TAOK3: variants seen among roughly 807,000 people sequenced by gnomAD.
TAOK3 encodes the protein serine/threonine-protein kinase TAO3.
Under a neutral mutation model 120.4 loss-of-function variants are expected in TAOK3, and 40 were observed. That is an observed-to-expected ratio of 0.33 (90% CI 0.26 to 0.43). The LOEUF is 0.43. Among genes scored for constraint, TAOK3 ranks in the 20% least tolerant of loss-of-function variants. The probability of loss-of-function intolerance (pLI) is 1.00; values close to 1 mark genes in which losing one functional copy is unlikely to be tolerated. For missense variants in TAOK3, 821 were observed against 1,112.1 expected, an observed-to-expected ratio of 0.74 and a Z score of 3.72; for synonymous variants, 355 against 387.5, an observed-to-expected ratio of 0.92 and a Z score of 0.99.
chr12:118,150,931 C>T lies in TAOK3; in HGVS notation c.*66G>A. On this transcript the variant is annotated 3_prime_UTR_variant, in exon 21 of 21. Coordinates refer to ENST00000392533, the MANE Select transcript of TAOK3 (RefSeq NM_016281.4). ...CGTTAAAATGGGGAATGTGGTTTTG[C>T]AGGGTCTGAATTTTTTTCTGTTTTC... 2 of 1,471,378 alleles carry T rather than the reference C, an allele frequency of 1.4e-6. No homozygotes were observed. Among genetic ancestry groups the T allele is most frequent in the South Asian group, 2.6e-5 (2 of 76,542 alleles). 91.1% of individuals were successfully genotyped at this position (1,471,378 alleles called of 1,614,324 possible).
intron 1 of TAOK3, among the ~76,000 whole-genome samples, chr12:118,326,919 T>C (rs2043958713): frequency 6.6e-6 from 1 of 152,214 alleles, no homozygotes. Context: ...CTATTGTGTA[T>C]TCTTCAGAAA....
At chr12:118,254,156 T>G (rs947032254) in intron 3 of TAOK3, among the ~76,000 whole-genome samples, 2 of 152,252 alleles carry the variant, frequency 1.3e-5, no homozygotes, top group Admixed American at 1.3e-4. Context: ...CATCAGGAGA[T>G]AGTCACATTC....
At position 118,172,617 on chromosome 12, in the gene TAOK3, T is replaced by G; in HGVS notation, c.1739A>C (p.Glu580Ala). 1 of 1,614,234 alleles carries G rather than the reference T, an allele frequency of 6.2e-7. No homozygotes were observed. The highest frequency in any genetic ancestry group is 8.5e-7 in the Non-Finnish European group (1 of 1,180,038). Residue 580 changes from glutamate (E) to alanine (A), a missense_variant, in exon 17 of 21, where the codon GAG (glutamate) becomes GCG (alanine). Glu to Ala is a moderately radical substitution (Grantham distance 107). Coordinates refer to ENST00000392533, the MANE Select transcript of TAOK3 (RefSeq NM_016281.4). ...DHSTPKKEKQ[E>A]RISKHKENLQ... is the part of the protein sequence containing the mutation. ...GTTCTCTTTATGTTTGGAGATCCGCTCTTGCTTCTCTTTCTTGGGTGTGCT... is the reference window on the plus strand; with the variant it reads ...GTTCTCTTTATGTTTGGAGATCCGCGCTTGCTTCTCTTTCTTGGGTGTGCT...
intron 15 of TAOK3, among the ~76,000 whole-genome samples, chr12:118,177,862 T>C (rs2036446968): frequency 6.6e-6 from 1 of 151,952 alleles, no homozygotes; most frequent in Non-Finnish European, 1.5e-5. Context: ...GAAAAATACA[T>C]TCTGAATTAT....
intron 17 of TAOK3, among the ~76,000 whole-genome samples, chr12:118,168,956 CTT>C (rs2035784907): frequency 8.7e-6 from 1 of 115,594 alleles, no homozygotes; most frequent in African/African-American, 3.1e-5. Context: ...AGCTTGCTTG[CTT>C]TCCTTCCTTC....
chr12:118,277,306 A>G (rs1045423836), intron 1 of TAOK3, among the ~76,000 whole-genome samples: 3 of 152,260 alleles, frequency 2.0e-5, no homozygotes, highest in African/African-American at 7.2e-5. Flanking sequence ...TAACAGTTAC[A>G]CATTAATTCC....
intron 4 of TAOK3, among the ~76,000 whole-genome samples, chr12:118,244,197 G>A (rs942012260): frequency 5.9e-5 from 9 of 152,072 alleles, no homozygotes; most frequent in Admixed American, 5.9e-4. Context: ...CGAGTGGCTG[G>A]ACTACAGGCA....
chr12:118,280,017 A>G (rs532414648), intron 1 of TAOK3, among the ~76,000 whole-genome samples: 97 of 149,656 alleles, frequency 6.5e-4, no homozygotes, highest in Admixed American at 4.0e-3. Flanking sequence ...CGCCCGCCTT[A>G]GCCTCCCAAA....
chr12:118,171,225 C>T (rs573168580), intron 17 of TAOK3, among the ~76,000 whole-genome samples: 1 of 152,334 alleles, frequency 6.6e-6, no homozygotes, highest in African/African-American at 2.4e-5. Flanking sequence ...AAATGTCACT[C>T]AGATCTAATT....
In TAOK3 at chr12:118,319,774, T is replaced by C. The variant is rs1257418937; in HGVS notation, c.-194+52874A>G. 2.6e-5 allele frequency among the ~76,000 whole-genome samples: 4 copies of C among 152,168 alleles called. No individual in the cohort carries two copies. The East Asian group carries it at 5.8e-4, about 22-fold the overall frequency. On this transcript the variant is annotated intron_variant, in intron 1 of 20. Coordinates refer to ENST00000392533, the MANE Select transcript of TAOK3 (RefSeq NM_016281.4). The stretch of plus-strand genomic sequence containing the variant: ...GGAATATAAAATGATGCAGCCTCTA[T>C]GGAAAACAGTTGAACAGCTCCTCAA...
chr12:118,272,531 TAAAGTAAATA>T (rs143679539), intron 1 of TAOK3, among the ~76,000 whole-genome samples: 1,785 of 152,224 alleles, frequency 0.012, 34 homozygotes, highest in African/African-American at 0.04. Flanking sequence ...TCAGTATTAA[TAAAGTAAATA>T]AGAATTAGAA....
At chr12:118,189,634 T>G (rs569618893) in intron 14 of TAOK3, among the ~76,000 whole-genome samples, 173 bp downstream of exon 14, 1 of 151,548 alleles carries the variant, frequency 6.6e-6, no homozygotes, top group African/African-American at 2.4e-5. Context: ...GAAATCAGGT[T>G]GCTATGCCAA....
At chr12:118,343,466 A>G (rs544869373) in intron 1 of TAOK3, among the ~76,000 whole-genome samples, 233 of 151,098 alleles carry the variant, frequency 1.5e-3, no homozygotes, top group Admixed American at 4.0e-3. Flanking sequence ...GTCTCAGTGC[A>G]CTCTATGTAA....
In TAOK3 at chr12:118,371,789, G is replaced by A. The variant is rs76842574; in HGVS notation, c.-194+859C>T. 0.28 allele frequency among the ~76,000 whole-genome samples: 41,775 copies of A among 151,758 alleles called. 6,761 individuals are homozygous for A. The highest frequency in any genetic ancestry group is 0.45 in the African/African-American group (18,737 of 41,392). On this transcript the variant is annotated intron_variant, in intron 1 of 20. Coordinates refer to ENST00000392533, the MANE Select transcript of TAOK3 (RefSeq NM_016281.4). This position sits in a 1 kb window ranked among gnomAD's most constrained non-coding sequence, Gnocchi z 5.5. ...CTGGGGGCCCGACCCGCACCCATGGGGCACCGCTCCTCCCTCGGGGTCCGC... is the reference window on the plus strand; with the variant it reads ...CTGGGGGCCCGACCCGCACCCATGGAGCACCGCTCCTCCCTCGGGGTCCGC...
At chr12:118,238,207 G>C (rs576002467) in intron 6 of TAOK3, 38 bp from the exon 7 acceptor site, 10 of 1,238,282 alleles carry the variant, frequency 8.1e-6, no homozygotes, top group Admixed American at 1.8e-5. Context: ...TAGATGATCA[G>C]TTTCATTCCT....
intron 1 of TAOK3, among the ~76,000 whole-genome samples, chr12:118,319,830 C>T (rs1484089983): frequency 6.6e-6 from 1 of 152,096 alleles, no homozygotes; most frequent in African/African-American, 2.4e-5. Context: ...CATGACTCAG[C>T]AACTCTACTC....
intron 1 of TAOK3, among the ~76,000 whole-genome samples, chr12:118,352,648 G>A (rs1346294711): frequency 1.3e-5 from 2 of 152,092 alleles, no homozygotes; most frequent in Admixed American, 6.6e-5. Context: ...GTGACAGACT[G>A]GACCCAAATA....
At chr12:118,362,578 T>G (rs2045632140) in intron 1 of TAOK3, among the ~76,000 whole-genome samples, 1 of 152,068 alleles carries the variant, frequency 6.6e-6, no homozygotes, top group African/African-American at 2.4e-5. Flanking sequence ...CAGTCGCAAA[T>G]TGCCTAGATC....
intron 1 of TAOK3, among the ~76,000 whole-genome samples, chr12:118,288,630 C>T (rs969568516): frequency 6.6e-6 from 1 of 152,076 alleles, no homozygotes; most frequent in African/African-American, 2.4e-5. Flanking sequence ...AGATAACATG[C>T]TTAAGCCAGG....
Sources: allele counts gnomAD v4.1 joint callset (sites outside exome capture counted in the v4.1 genomes callset), GRCh38; gene constraint gnomAD v4.1.1; non-coding constraint Gnocchi (gnomAD v3.1); transcripts MANE v1.5; gene names NCBI Gene and HGNC (gene_info 2026-07-23, HGNC 2026-07-21).